The following PCDHA10 variants were observed in gnomAD, a reference collection of about 807,000 sequenced individuals.
PCDHA10 encodes protocadherin alpha 10.
Under a neutral mutation model 61.2 loss-of-function variants are expected in PCDHA10, and 45 were observed. The ratio of observed to expected loss-of-function variants is 0.74; its 90% CI spans 0.58 to 0.94. PCDHA10 has a LOEUF of 0.94. PCDHA10 is among the 40% of genes least tolerant of loss of function. PCDHA10 has a pLI of 0.00. For synonymous variants in PCDHA10, 602 were observed against 548.8 expected (o/e 1.10, Z -1.35); for missense variants, 1,278 against 1,236.2 (o/e 1.03, Z -0.51).
At chr5:140,874,310 T>G (rs1466164009) in intron 1 of PCDHA10, among the ~76,000 whole-genome samples, 1 of 151,992 alleles carries the variant, frequency 6.6e-6, no homozygotes, top group Non-Finnish European at 1.5e-5. Context: ...TCACAATGAG[T>G]TGTAGGATCT....
At chr5:140,963,198 A>G (rs2095745338) in intron 1 of PCDHA10, among the ~76,000 whole-genome samples, 1 of 151,784 alleles carries the variant, frequency 6.6e-6, no homozygotes, top group South Asian at 2.1e-4. Context: ...GTGAAAATGA[A>G]AAAAAAAACC....
intron 3 of PCDHA10, among the ~76,000 whole-genome samples, chr5:140,992,118 G>C (rs1554252679): frequency 1.3e-5 from 2 of 151,650 alleles, no homozygotes; most frequent in Non-Finnish European, 2.9e-5. Flanking sequence ...ATGTGTCATG[G>C]AAGAACAGTG....
intron 1 of PCDHA10, chr5:140,877,084 C>G: frequency 6.2e-7 from 1 of 1,613,176 alleles, no homozygotes; most frequent in Non-Finnish European, 8.5e-7. Flanking sequence ...GGTGAGCGCG[C>G]GCGACGCCGG....
chr5:140,899,653 T>C (rs1478658505), intron 1 of PCDHA10, among the ~76,000 whole-genome samples: 1 of 152,220 alleles, frequency 6.6e-6, no homozygotes, highest in African/African-American at 2.4e-5. Context: ...TATTTGGTTG[T>C]GTCTCTGCCC....
intron 1 of PCDHA10, among the ~76,000 whole-genome samples, chr5:140,923,800 T>C (rs1235494729): frequency 2.0e-5 from 3 of 152,178 alleles, no homozygotes; most frequent in Non-Finnish European, 4.4e-5. Flanking sequence ...TTTTCACAAA[T>C]GAAATCTTCT....
intron 1 of PCDHA10, among the ~76,000 whole-genome samples, chr5:140,915,626 G>GTCTCTCTCTCTCTCTC (rs57920489): frequency 1.4e-5 from 2 of 146,436 alleles, no homozygotes; most frequent in African/African-American, 2.5e-5. Context: ...GTCTCTTTCT[G>GTCTCTCTCTCTCTCTC]TCTCTCTCTC....
At chr5:140,907,099 C>T (rs2073164781) in intron 1 of PCDHA10, among the ~76,000 whole-genome samples, 1 of 152,108 alleles carries the variant, frequency 6.6e-6, no homozygotes, top group Admixed American at 6.5e-5. Flanking sequence ...GGTGCCACTT[C>T]CACTTCCACC....
chr5:140,877,467 G>A (rs1554169776), intron 1 of PCDHA10: 1 of 1,613,750 alleles, frequency 6.2e-7, no homozygotes, highest in African/African-American at 1.3e-5. Flanking sequence ...CGGCCACGGT[G>A]CTGGTGTCGC....
Position 140,856,497 on chromosome 5 carries a change from G to A in PCDHA10, c.449G>A (p.Arg150Gln), listed in dbSNP as rs782069130. 1.1e-5 allele frequency: 17 copies of A among 1,598,346 alleles called. 1 individual carries two copies. Among genetic ancestry groups the A allele is most frequent in the Admixed American group, 5.1e-5 (3 of 59,216 alleles). ...CCTGAATCCAGACTGCTTGACTCTC[G>A]ATTTCCACTAGAAGGCGCATCTGAT... Reference protein sequence around the residue: ...SIPESRLLDSRFPLEGASDAD... With the variant: ...SIPESRLLDSQFPLEGASDAD... Residue 150 changes from arginine (R) to glutamine (Q), a missense_variant, in exon 1 of 4, where the codon CGA becomes CAA. Transcript: ENST00000307360.
chr5:140,975,139 C>G (rs2096655397), intron 1 of PCDHA10, among the ~76,000 whole-genome samples: 1 of 152,154 alleles, frequency 6.6e-6, no homozygotes, highest in Non-Finnish European at 1.5e-5. Flanking sequence ...GGCCTGGGGT[C>G]ACTCTCAGTT....
chr5:140,971,115 G>A (rs1409733667), intron 1 of PCDHA10, among the ~76,000 whole-genome samples: 1 of 152,146 alleles, frequency 6.6e-6, no homozygotes, highest in Non-Finnish European at 1.5e-5. Flanking sequence ...GGATTGGGGT[G>A]GGCTACAGGT....
At chr5:140,955,552 C>T (rs1554221978) in intron 1 of PCDHA10, among the ~76,000 whole-genome samples, 2 of 152,092 alleles carry the variant, frequency 1.3e-5, no homozygotes, top group African/African-American at 4.8e-5. Flanking sequence ...TTGAGGCCTC[C>T]CCAGCCATAC....
chr5:140,869,572 G>A (rs375272234), intron 1 of PCDHA10: 1 of 1,614,060 alleles, frequency 6.2e-7, no homozygotes, highest in Non-Finnish European at 8.5e-7. Flanking sequence ...ACTAGAGGGA[G>A]CTTCTGATGC....
intron 1 of PCDHA10, chr5:140,930,288 T>A (rs2086713135): frequency 6.6e-6 from 1 of 152,212 alleles, no homozygotes; most frequent in African/African-American, 2.4e-5. Context: ...CAAATACACT[T>A]AACAAATAAG....
intron 1 of PCDHA10, among the ~76,000 whole-genome samples, chr5:140,962,118 C>T (rs561645739): frequency 1.3e-5 from 2 of 152,210 alleles, no homozygotes; most frequent in East Asian, 1.9e-4. Context: ...ATCTCCTAAC[C>T]TTGGCCTCGG....
chr5:140,868,748 T>C (rs991826043), intron 1 of PCDHA10: 2 of 213,606 alleles, frequency 9.4e-6, no homozygotes, highest in Non-Finnish European at 1.9e-5. Context: ...ACAATGCCAT[T>C]TCCATATATA....
intron 1 of PCDHA10, chr5:140,966,229 A>T (rs1027352378): frequency 1.1e-5 from 3 of 277,852 alleles, no homozygotes; most frequent in African/African-American, 6.6e-5. Context: ...ATCTCCTTAA[A>T]GACCCGTTAA....
intron 1 of PCDHA10, chr5:140,865,312 G>A (rs949727799): frequency 1.1e-4 from 17 of 152,148 alleles, no homozygotes; most frequent in African/African-American, 4.1e-4. Context: ...TTACAAATGA[G>A]ATGGCCTTTA....
In PCDHA10 at chr5:140,891,714, A is replaced by T. The variant is rs147881763; in HGVS notation, c.2388+33278A>T. On this transcript the variant is annotated intron_variant, in intron 1 of 3. Transcript: ENST00000307360. ...GCTGTTGTCTGAATTTGTACCCCCA[A>T]ATTCATGTGTTGAAAATTCAATCCC... Among the ~76,000 whole-genome samples the T allele has an allele frequency of 2.6e-5, 4 of 152,262 alleles. No individual in the cohort carries two copies. In the East Asian group the frequency reaches 5.8e-4, roughly 22 times the overall value.
Sources: allele counts gnomAD v4.1 joint callset (sites outside exome capture counted in the v4.1 genomes callset), GRCh38; gene constraint gnomAD v4.1.1; transcripts MANE v1.5; gene names NCBI Gene and HGNC (gene_info 2026-07-23, HGNC 2026-07-21).